The following COL4A4 variants were observed in gnomAD, a reference collection of about 807,000 sequenced individuals.
COL4A4 encodes the protein collagen type IV alpha 4 chain, also known as collagen alpha-4(IV) chain.
COL4A4 carries 105 observed loss-of-function variants against 192.9 expected under a neutral mutation model. The observed-to-expected ratio is 0.54, with a 90% CI of 0.46 to 0.64. The LOEUF is 0.64. COL4A4 is among the 30% of genes least tolerant of loss of function. COL4A4 has a pLI of 0.00. For synonymous variants in COL4A4, 762 were observed against 769.9 expected (o/e 0.99, Z 0.17); for missense variants, 1,967 against 2,169.3 (o/e 0.91, Z 1.85).
At chr2:227,036,017 T>A (rs1969591968) in intron 37 of COL4A4, among the ~76,000 whole-genome samples, 1 of 152,240 alleles carries the variant, frequency 6.6e-6, no homozygotes, top group African/African-American at 2.4e-5. Flanking sequence ...AAGCTTTTTA[T>A]CAATCCCATC....
At chr2:227,008,369 C>T (rs1962689760) in intron 46 of COL4A4, 65 bp from the exon 47 acceptor site, 25 of 1,546,034 alleles carry the variant, frequency 1.6e-5, no homozygotes, top group Non-Finnish European at 2.2e-5. Context: ...CAGACCCTTC[C>T]TTCCTCCATC....
chr2:226,995,818 G>C, the COL4A4 span: 1 of 380,610 alleles, frequency 2.6e-6, no homozygotes, highest in African/African-American at 2.1e-5. Context: ...CCTCTGCCTC[G>C]GTCTGCTTTT....
intron 21 of COL4A4, among the ~76,000 whole-genome samples, chr2:227,089,604 TATATAC>T (rs1004768234): frequency 8.0e-5 from 11 of 137,680 alleles, no homozygotes; most frequent in Admixed American, 2.9e-4. Flanking sequence ...TATATATATA[TATATAC>T]ATACATATAT....
At chr2:227,001,822 AT>A (rs1363814675), downstream of COL4A4, among the ~76,000 whole-genome samples, 1 of 152,092 alleles carries the variant, frequency 6.6e-6, no homozygotes, top group African/African-American at 2.4e-5. Context: ...GAGTACCCTT[AT>A]TTCTCTATCA....
the COL4A4 span, among the ~76,000 whole-genome samples, chr2:226,984,474 T>C: frequency 6.6e-6 from 1 of 152,182 alleles, no homozygotes; most frequent in Non-Finnish European, 1.5e-5. Flanking sequence ...TCCACCCTCA[T>C]GTCCTCATGT....
At chr2:227,050,809 C>T (rs1973930851) in intron 33 of COL4A4, among the ~76,000 whole-genome samples, 168 bp downstream of exon 33, 1 of 152,200 alleles carries the variant, frequency 6.6e-6, no homozygotes, top group South Asian at 2.1e-4. Context: ...ATGTCAGTTT[C>T]ATCGTGGCCT....
At chr2:227,103,298 T>TAAA in intron 13 of COL4A4, 101 bp from the exon 14 acceptor site, 1 of 728,390 alleles carries the variant, frequency 1.4e-6, no homozygotes, top group African/African-American at 1.9e-5. Context: ...TGTTTCACCT[T>TAAA]AAAAAAAAAA....
intron 25 of COL4A4, among the ~76,000 whole-genome samples, chr2:227,063,549 G>GAT (rs1246234632): frequency 2.0e-5 from 3 of 151,802 alleles, no homozygotes; most frequent in Non-Finnish European, 4.4e-5. Context: ...TGTAGTTCAA[G>GAT]ATATATATAT....
chr2:227,078,914 A>G (rs1449865096), intron 24 of COL4A4, among the ~76,000 whole-genome samples: 1 of 152,238 alleles, frequency 6.6e-6, no homozygotes, highest in African/African-American at 2.4e-5. Context: ...TACTGCTTAT[A>G]GTAAAATCAA....
At chr2:227,096,546 A>G (rs1484515464) in intron 19 of COL4A4, among the ~76,000 whole-genome samples, 1 of 152,224 alleles carries the variant, frequency 6.6e-6, no homozygotes, top group African/African-American at 2.4e-5. Flanking sequence ...CTTACAGATA[A>G]GGCACACAAA....
intron 2 of COL4A4, 86 bp from the exon 3 acceptor site, chr2:227,144,644 G>C: frequency 8.8e-7 from 1 of 1,132,016 alleles, no homozygotes. Context: ...ATTAATTCCA[G>C]AAAGCTACTT....
chr2:227,008,430 G>T (rs531709172), intron 46 of COL4A4, 126 bp from the exon 47 acceptor site: 2 of 1,101,596 alleles, frequency 1.8e-6, no homozygotes, highest in African/African-American at 1.6e-5. Flanking sequence ...GCCAAAGCCT[G>T]CTTCTGTGGT....
Position 227,012,297 on chromosome 2 carries a change from C to G in COL4A4, c.4217G>C (p.Gly1406Ala), listed in dbSNP as rs1364711591. ...ATCCAGCCCAGGCTCTCCTTTGCAC[C>G]CTGCACAAAAGTTTATGATGCTGGT... The part of the protein sequence containing the change: ...LPGMRGPSGP[G>A]CKGEPGLDGR... Residue 1406 changes from glycine (G) to alanine (A), a missense_variant and splice_region_variant, in exon 45 of 48, where the codon GGG becomes GCG. Physicochemically the swap from Gly to Ala is moderately conservative, Grantham distance 60 (BLOSUM62 0). Transcript: ENST00000396625. The G allele has an allele frequency of 7.4e-6, 12 of 1,613,130 alleles. No homozygotes were observed. Among genetic ancestry groups the G allele is most frequent in the Non-Finnish European group, 9.3e-6 (11 of 1,179,386 alleles).
At chr2:226,993,481 A>G in the COL4A4 span, among the ~76,000 whole-genome samples, 1 of 152,268 alleles carries the variant, frequency 6.6e-6, no homozygotes, top group African/African-American at 2.4e-5. Flanking sequence ...CTCATCATAT[A>G]AAACAGTTTT....
intron 34 of COL4A4, among the ~76,000 whole-genome samples, chr2:227,048,858 T>C (rs1436684066): frequency 6.6e-6 from 1 of 152,218 alleles, no homozygotes; most frequent in Non-Finnish European, 1.5e-5. Context: ...TATAAAACTT[T>C]TTCCATTTGT....
the COL4A4 span, among the ~76,000 whole-genome samples, chr2:226,987,876 G>GA: frequency 6.6e-6 from 1 of 152,168 alleles, no homozygotes; most frequent in Admixed American, 6.5e-5. Context: ...GGGTGGAGGG[G>GA]ATCCAATAAT....
At chr2:227,088,534 A>G (rs993045267) in intron 22 of COL4A4, 119 bp downstream of exon 22, 1 of 1,337,572 alleles carries the variant, frequency 7.5e-7, no homozygotes, top group Non-Finnish European at 1.1e-6. Flanking sequence ...ACTGCGAGTC[A>G]ATTAAACCTC....
the COL4A4 span, among the ~76,000 whole-genome samples, chr2:226,990,911 C>G: frequency 6.6e-6 from 1 of 152,114 alleles, no homozygotes; most frequent in Non-Finnish European, 1.5e-5. Flanking sequence ...GGAGCAGGGC[C>G]GTTTCACCCA....
chr2:226,997,743 G>A (rs142642955), downstream of COL4A4: 1 of 152,222 alleles, frequency 6.6e-6, no homozygotes, highest in Non-Finnish European at 1.5e-5. Flanking sequence ...ACGCATGGCT[G>A]TTGATGGAGT....
Sources: allele counts gnomAD v4.1 joint callset (sites outside exome capture counted in the v4.1 genomes callset), GRCh38; gene constraint gnomAD v4.1.1; transcripts MANE v1.5; gene names NCBI Gene and HGNC (gene_info 2026-07-23, HGNC 2026-07-21).